Variants in WDR49 observed in about 807,000 individuals in gnomAD.
WDR49 encodes the protein WD repeat domain 49.
WDR49 carries 107 observed loss-of-function variants against 119.5 expected under a neutral mutation model. The observed-to-expected ratio is 0.90, with a 90% confidence interval of 0.77 to 1.05. WDR49 has a LOEUF of 1.05. Ranked by LOEUF, WDR49 falls within the 50% of genes least tolerant of loss-of-function variation. The probability of loss-of-function intolerance (pLI) is 0.00; values close to 1 mark genes in which losing one functional copy is unlikely to be tolerated. For synonymous variants in WDR49, 425 were observed against 418.8 expected (o/e 1.01, Z -0.18); for missense variants, 1,240 against 1,220.5 (o/e 1.02, Z -0.24).
At chr3:167,626,271 TC>T (rs1717124065) in intron 3 of WDR49, among the ~76,000 whole-genome samples, 1 of 152,036 alleles carries the variant, frequency 6.6e-6, no homozygotes, top group African/African-American at 2.4e-5. Flanking sequence ...ACATCAGGTT[TC>T]TAATACTATT....
chr3:167,616,621 T>C (rs1309451107), intron 5 of WDR49, among the ~76,000 whole-genome samples: 2 of 149,518 alleles, frequency 1.3e-5, no homozygotes, highest in Non-Finnish European at 3.0e-5. Flanking sequence ...TAGAGTCCTA[T>C]TAAAAAAAAG....
intron 11 of WDR49, 69 bp from the exon 12 acceptor site, chr3:167,533,046 CAGA>C (rs1311804415): frequency 3.9e-5 from 45 of 1,157,984 alleles, no homozygotes; most frequent in South Asian, 4.6e-5. Context: ...CAACAGCAAT[CAGA>C]AGAAGTTATT....
At position 167,560,054 on chromosome 3, in the gene WDR49, G is replaced by T; in HGVS notation, c.1674+10C>A. The T allele has an allele frequency of 6.2e-7, 1 of 1,613,776 alleles. No homozygotes were observed. Among genetic ancestry groups the T allele is most frequent in the Non-Finnish European group, 8.5e-7 (1 of 1,179,862 alleles). ...CATATCTGGATAGAAAAGCATCATT[G>T]TGTTCGCACCTTTACAGTCCCATCT... On this transcript the variant is annotated intron_variant, in intron 9 of 18. Coordinates refer to ENST00000682715, the MANE Select transcript of WDR49 (RefSeq NM_001366157.1).
chr3:167,625,033 A>G (rs1397093360), intron 3 of WDR49, among the ~76,000 whole-genome samples: 1 of 152,052 alleles, frequency 6.6e-6, no homozygotes, highest in Non-Finnish European at 1.5e-5. Context: ...AGTGGGAATA[A>G]TATCTACTCC....
chr3:167,643,521 G>A (rs1024482354), intron 2 of WDR49, among the ~76,000 whole-genome samples: 1 of 152,052 alleles, frequency 6.6e-6, no homozygotes, highest in Non-Finnish European at 1.5e-5. Flanking sequence ...ATTCTGTATT[G>A]GATCTGTGAT....
In WDR49 at chr3:167,527,906, C is replaced by T. The variant is rs962885702; in HGVS notation, c.2518G>A (p.Gly840Ser). 6.2e-7 allele frequency: 1 copy of T among 1,613,182 alleles called. No homozygotes were observed. Among genetic ancestry groups the T allele is most frequent in the East Asian group, 2.2e-5 (1 of 44,824 alleles). Residue 840 changes from glycine (G) to serine (S), a missense_variant, in exon 15 of 19, where the codon GGT becomes AGT. Transcript: ENST00000682715. The part of the protein sequence containing the change: ...ISSLEMCEPG[G>S]QLLIISSSAD... ...GAGGAGGAGATAATCAGTAACTGAC[C>T]ACCTGGCTCACACATCTCTAAGGAA...
At chr3:167,575,297 T>C in intron 8 of WDR49, 1 of 986,456 alleles carries the variant, frequency 1.0e-6, no homozygotes, top group Non-Finnish European at 1.2e-6. Context: ...GGCTGTGGTC[T>C]GCGCAGTAAC....
intron 8 of WDR49, 51 bp from the exon 9 acceptor site, chr3:167,560,279 CATTTAT>C (rs1560286068): frequency 6.5e-7 from 1 of 1,536,376 alleles, no homozygotes; most frequent in Non-Finnish European, 8.8e-7. Flanking sequence ...CAGAATCAAC[CATTTAT>C]ATTTCAATAA....
At chr3:167,629,525 A>G (rs1717275218) in intron 2 of WDR49, among the ~76,000 whole-genome samples, 2 of 152,102 alleles carry the variant, frequency 1.3e-5, no homozygotes, top group Non-Finnish European at 2.9e-5. Context: ...ATTAAGAAAT[A>G]ACTTCCAGCC....
chr3:167,605,252 T>C (rs1295538903), intron 5 of WDR49, among the ~76,000 whole-genome samples: 1 of 152,152 alleles, frequency 6.6e-6, no homozygotes, highest in Non-Finnish European at 1.5e-5. Flanking sequence ...TAAAGGTAAC[T>C]AGGATTTATT....
chr3:167,492,258 T>C (rs1304312740), intron 18 of WDR49, among the ~76,000 whole-genome samples: 2 of 151,926 alleles, frequency 1.3e-5, no homozygotes, highest in South Asian at 2.1e-4. Context: ...GGTAATACAG[T>C]AAAATGACTG....
At chr3:167,534,198 C>CA (rs560996929) in intron 11 of WDR49, among the ~76,000 whole-genome samples, 58 of 149,520 alleles carry the variant, frequency 3.9e-4, no homozygotes, top group Non-Finnish European at 5.2e-4. Context: ...CCACTCCATC[C>CA]AAAAAAAAAG....
At chr3:167,573,147 T>A (rs1714032041) in intron 8 of WDR49, among the ~76,000 whole-genome samples, 1 of 152,106 alleles carries the variant, frequency 6.6e-6, no homozygotes, top group South Asian at 2.1e-4. Flanking sequence ...AAGAGGACAC[T>A]TCCAAGATTT....
At chr3:167,592,314 A>G (rs1487762211) in intron 7 of WDR49, among the ~76,000 whole-genome samples, 6 of 151,954 alleles carry the variant, frequency 3.9e-5, no homozygotes, top group Non-Finnish European at 7.4e-5. Flanking sequence ...TCATCATTTA[A>G]TCTTTCTACT....
intron 6 of WDR49, among the ~76,000 whole-genome samples, chr3:167,602,529 G>C (rs1233916248): frequency 1.3e-5 from 2 of 152,010 alleles, no homozygotes; most frequent in African/African-American, 4.8e-5. Flanking sequence ...TGAGGTGAAA[G>C]AAAACATATA....
At chr3:167,480,247 T>TAAAAAAA (rs1162973369) in intron 18 of WDR49, among the ~76,000 whole-genome samples, 19 of 55,090 alleles carry the variant, frequency 3.4e-4, no homozygotes, top group African/African-American at 1.4e-3. Context: ...AGACTCTGTC[T>TAAAAAAA]AAAAAAAAAA....
chr3:167,554,642 CT>C lies in WDR49; in HGVS notation c.1823+7del, dbSNP rs1712807176. The C allele has an allele frequency of 5.5e-6, 8 of 1,446,676 alleles. No individual in the cohort carries two copies. Among genetic ancestry groups the C allele is most frequent in the Non-Finnish European group, 7.6e-6 (8 of 1,053,882 alleles). The allele number at this position is 1,446,676 out of a possible 1,614,324, so 89.6% of individuals were successfully genotyped here. A position where few individuals can be genotyped will look rare whatever the true frequency, so the allele number is the denominator to read the frequency against. ...TTTTGATTAAAATAAAAACATTCTC[CT>C]TTTTACCTTCCTATAGTTTTCCATG... On this transcript the variant is annotated splice_region_variant and intron_variant, in intron 10 of 18. Transcript: ENST00000682715.
chr3:167,580,167 T>C (rs1295691843), intron 7 of WDR49, among the ~76,000 whole-genome samples: 1 of 152,188 alleles, frequency 6.6e-6, no homozygotes, highest in Non-Finnish European at 1.5e-5. Context: ...TGTGCACATT[T>C]GTTAATTTTT....
At chr3:167,657,761 G>A (rs1005512668), upstream of WDR49, among the ~76,000 whole-genome samples, 3 of 151,994 alleles carry the variant, frequency 2.0e-5, no homozygotes, top group African/African-American at 7.3e-5. Flanking sequence ...TTCTTCTCAA[G>A]TCCTCACTGC....
Sources: gnomAD v4.1 joint callset for allele counts (sites outside exome capture counted in the v4.1 genomes callset) on GRCh38, gnomAD v4.1.1 for gene constraint, MANE v1.5 for transcripts, NCBI Gene and HGNC (gene_info 2026-07-23, HGNC 2026-07-21) for gene names.